RNF150: variants seen among roughly 807,000 people sequenced by gnomAD.
The protein encoded by RNF150 is ring finger protein 150.
A neutral mutation model predicts 39.3 loss-of-function variants in RNF150; 24 were observed. The ratio of observed to expected loss-of-function variants is 0.61; its 90% CI spans 0.44 to 0.86. RNF150 has a LOEUF of 0.86. Among genes scored for constraint, RNF150 ranks in the 40% least tolerant of loss-of-function variants. The pLI is 0.00. For synonymous variants in RNF150, 255 were observed against 227.3 expected, an observed-to-expected ratio of 1.12 and a Z score of -1.10; for missense variants, 502 against 587.8, an observed-to-expected ratio of 0.85 and a Z score of 1.51.
intron 3 of RNF150, among the ~76,000 whole-genome samples, chr4:140,949,023 T>C (rs1369779034): frequency 6.6e-6 from 1 of 152,214 alleles, no homozygotes; most frequent in African/African-American, 2.4e-5. Flanking sequence ...AAATTTTAGG[T>C]AATCCATTTG....
At chr4:141,070,624 T>C (rs997179297) in intron 1 of RNF150, among the ~76,000 whole-genome samples, 12 of 150,014 alleles carry the variant, frequency 8.0e-5, no homozygotes, top group African/African-American at 2.9e-4. Flanking sequence ...AAAAAACACA[T>C]GAAAAAATGC....
At chr4:141,062,934 G>A (rs117016210) in intron 1 of RNF150, among the ~76,000 whole-genome samples, 2,232 of 152,178 alleles carry the variant, frequency 0.015, 95 homozygotes, top group East Asian at 0.14. Flanking sequence ...TGTGGTATTC[G>A]GTTTTCTGTT....
At chr4:141,106,821 C>T (rs1030916119) in intron 1 of RNF150, among the ~76,000 whole-genome samples, 1 of 151,880 alleles carries the variant, frequency 6.6e-6, no homozygotes, top group African/African-American at 2.4e-5. Context: ...ATATATTATT[C>T]CATCTACAAT....
chr4:141,046,221 T>A (rs1259216362), intron 1 of RNF150, among the ~76,000 whole-genome samples: 1 of 152,208 alleles, frequency 6.6e-6, no homozygotes, highest in Admixed American at 6.5e-5. Context: ...CTGATGAAGT[T>A]TCGTCTCTCC....
At chr4:141,022,628 CCTT>C (rs1326636161) in intron 1 of RNF150, among the ~76,000 whole-genome samples, 1 of 152,144 alleles carries the variant, frequency 6.6e-6, no homozygotes, top group Non-Finnish European at 1.5e-5. Flanking sequence ...CATTCTAACA[CCTT>C]CTTTTTCATT....
rs569210538 is a variant in RNF150 at position 140,975,815 on chromosome 4, G to C, written c.485-7942C>G. ...GGCTTCCCATGAGGGCAGGCTCTCT[G>C]CAGTATTACTGGCTTCTCACCCTCC... On this transcript the variant is annotated intron_variant, in intron 1 of 6. Coordinates refer to ENST00000515673, the MANE Select transcript of RNF150 (RefSeq NM_020724.2). 2.1e-4 allele frequency among the ~76,000 whole-genome samples: 32 copies of C among 152,270 alleles called. 1 individual carries two copies. Among genetic ancestry groups the C allele is most frequent in the African/African-American group, 7.7e-4 (32 of 41,560 alleles).
chr4:141,020,094 G>T (rs1464330505), intron 1 of RNF150, among the ~76,000 whole-genome samples: 2 of 134,756 alleles, frequency 1.5e-5, no homozygotes, highest in Non-Finnish European at 3.3e-5. Context: ...GTTTTTTTTT[G>T]GTTTGATATT....
At chr4:140,994,744 A>G (rs1195798755) in intron 1 of RNF150, among the ~76,000 whole-genome samples, 1 of 152,226 alleles carries the variant, frequency 6.6e-6, no homozygotes, top group Non-Finnish European at 1.5e-5. Context: ...AGTAAAAGGC[A>G]GGAAGCATTT....
At chr4:140,905,655 C>T (rs952008258) in intron 6 of RNF150, among the ~76,000 whole-genome samples, 5 of 144,290 alleles carry the variant, frequency 3.5e-5, no homozygotes, top group Non-Finnish European at 6.2e-5. Flanking sequence ...ACCTCCCAAT[C>T]CCAGGCCTGT....
Position 140,864,828 on chromosome 4 carries a change from T to C in RNF150, c.*3433A>G, listed in dbSNP as rs569861743. 6.6e-6 allele frequency: 1 copy of C among 152,304 alleles called. No individual in the cohort carries two copies. Among genetic ancestry groups the C allele is most frequent in the South Asian group, 2.1e-4 (1 of 4,828 alleles). The allele number at this position is 152,304 out of a possible 1,614,324, so 9.4% of individuals were successfully genotyped here. On this transcript the variant is annotated 3_prime_UTR_variant, in exon 7 of 7. Transcript: ENST00000515673. ...GTTTGTGTGAGTTTTAAGTAACAACTGGTCAGAGGAGTAACAACAAATGGT... is the reference window on the plus strand; with the variant it reads ...GTTTGTGTGAGTTTTAAGTAACAACCGGTCAGAGGAGTAACAACAAATGGT...
At chr4:140,938,952 G>A (rs1308198570) in intron 4 of RNF150, among the ~76,000 whole-genome samples, 1 of 152,188 alleles carries the variant, frequency 6.6e-6, no homozygotes, top group Non-Finnish European at 1.5e-5. Context: ...GGGATGATTT[G>A]TGAATGTTGT....
At chr4:140,885,247 C>A (rs1729521970) in intron 6 of RNF150, among the ~76,000 whole-genome samples, 1 of 144,596 alleles carries the variant, frequency 6.9e-6, no homozygotes, top group Non-Finnish European at 1.5e-5. Flanking sequence ...GTCGCCCAGG[C>A]TGGAGTGCAG....
chr4:141,034,674 G>A (rs1255675287), intron 1 of RNF150, among the ~76,000 whole-genome samples: 3 of 152,016 alleles, frequency 2.0e-5, no homozygotes, highest in African/African-American at 7.3e-5. Context: ...TTATTAATTG[G>A]CCTAATTTTA....
chr4:141,207,090 A>T (rs564761243), intron 1 of RNF150, among the ~76,000 whole-genome samples: 5 of 152,292 alleles, frequency 3.3e-5, no homozygotes, highest in African/African-American at 4.8e-5. Context: ...ACCCACATTG[A>T]GGGTGGGTCT....
At chr4:141,065,029 C>A (rs1157631376) in intron 1 of RNF150, among the ~76,000 whole-genome samples, 3 of 152,160 alleles carry the variant, frequency 2.0e-5, no homozygotes, top group African/African-American at 7.2e-5. Context: ...CTACGCCTGG[C>A]TAATTTTGTA....
chr4:141,162,302 A>G (rs556545174), intron 1 of RNF150, among the ~76,000 whole-genome samples: 1 of 152,286 alleles, frequency 6.6e-6, no homozygotes, highest in South Asian at 2.1e-4. Context: ...TTGGACTTGC[A>G]TGAGGCCTGT....
At chr4:140,928,638 C>G (rs1377301844) in intron 4 of RNF150, among the ~76,000 whole-genome samples, 2 of 152,228 alleles carry the variant, frequency 1.3e-5, no homozygotes, top group African/African-American at 4.8e-5. Flanking sequence ...GCTCCATCTC[C>G]TGGGTTCATG....
chr4:140,902,373 A>T (rs755443100), intron 6 of RNF150, among the ~76,000 whole-genome samples: 2 of 152,238 alleles, frequency 1.3e-5, no homozygotes, highest in Non-Finnish European at 2.9e-5. Context: ...TGCTAGTGTA[A>T]TGCAAATACA....
intron 1 of RNF150, among the ~76,000 whole-genome samples, chr4:140,997,771 A>T (rs975115622): frequency 2.0e-5 from 3 of 149,370 alleles, no homozygotes; most frequent in Non-Finnish European, 4.5e-5. Flanking sequence ...TAATTATCTC[A>T]ATTTATTAAG....
Sources: allele counts gnomAD v4.1 joint callset (sites outside exome capture counted in the v4.1 genomes callset), GRCh38; gene constraint gnomAD v4.1.1; transcripts MANE v1.5; gene names NCBI Gene and HGNC (gene_info 2026-07-23, HGNC 2026-07-21).